Variants in MACROD2 observed in about 807,000 individuals in gnomAD.
MACROD2 encodes the protein mono-ADP ribosylhydrolase 2, also known as ADP-ribose glycohydrolase MACROD2.
MACROD2 carries 36 observed loss-of-function variants against 70.4 expected under a neutral mutation model. The observed-to-expected ratio is 0.51, with a 90% CI of 0.39 to 0.68. The LOEUF (loss-of-function observed/expected upper bound fraction) is 0.68. MACROD2 is among the 30% of genes least tolerant of loss of function. The probability of loss-of-function intolerance (pLI) is 0.00; values close to 1 mark genes in which losing one functional copy is unlikely to be tolerated. For synonymous variants in MACROD2, 172 were observed against 178.8 expected (o/e 0.96, Z 0.30); for missense variants, 496 against 538.4 (o/e 0.92, Z 0.78).
Position 14,588,781 on chromosome 20 carries a change from G to A in MACROD2, c.301+95273G>A, listed in dbSNP as rs554307226. Reference sequence around the variant, plus strand: ...CTGGCCAAGGCTATATATTATCTACGTTACATGATAAACATTGTACGACAT... The same window carrying A: ...CTGGCCAAGGCTATATATTATCTACATTACATGATAAACATTGTACGACAT... On this transcript the variant is annotated intron_variant, in intron 4 of 17. Transcript: ENST00000684519. 1.1e-4 allele frequency among the ~76,000 whole-genome samples: 16 copies of A among 152,142 alleles called. No individual in the cohort carries two copies. The South Asian group carries it at 3.3e-3, about 32-fold the overall frequency.
Position 14,915,837 on chromosome 20 carries a change from G to T in MACROD2, c.418+230878G>T, listed in dbSNP as rs116604471. Among the ~76,000 whole-genome samples, 17 of 152,150 alleles carry T rather than the reference G, an allele frequency of 1.1e-4. No individual in the cohort carries two copies. In the South Asian group the frequency reaches 3.5e-3, roughly 31 times the overall value. Reference sequence around the variant, plus strand: ...AGCTGTGACATTAAGGTAGCTGCGAGTCATCATTCTTGATGAAGGAGCAGC... The same window carrying T: ...AGCTGTGACATTAAGGTAGCTGCGATTCATCATTCTTGATGAAGGAGCAGC... On this transcript the variant is annotated intron_variant, in intron 5 of 17. Transcript: ENST00000684519.
chr20:15,438,297 A>G (rs1394083942), intron 7 of MACROD2, among the ~76,000 whole-genome samples: 1 of 152,198 alleles, frequency 6.6e-6, no homozygotes, highest in Non-Finnish European at 1.5e-5. Flanking sequence ...ACTCCGACCA[A>G]CAGTGTGTAA....
At chr20:15,017,754 G>A (rs1331879903) in intron 5 of MACROD2, among the ~76,000 whole-genome samples, 1 of 152,180 alleles carries the variant, frequency 6.6e-6, no homozygotes, top group African/African-American at 2.4e-5. Context: ...AACACCACAT[G>A]GAAACTGCCA....
intron 10 of MACROD2, among the ~76,000 whole-genome samples, chr20:15,890,095 C>T (rs1453643706): frequency 1.3e-5 from 2 of 152,192 alleles, no homozygotes; most frequent in African/African-American, 4.8e-5. Context: ...TACTGTTTCA[C>T]AGAACATGTT....
At chr20:14,688,365 TG>T (rs2071026238) in intron 5 of MACROD2, among the ~76,000 whole-genome samples, 1 of 152,186 alleles carries the variant, frequency 6.6e-6, no homozygotes, top group African/African-American at 2.4e-5. Flanking sequence ...TATTCATAAA[TG>T]GTTGTATTTG....
At chr20:15,637,220 G>A (rs372786050) in intron 8 of MACROD2, among the ~76,000 whole-genome samples, 21 of 151,626 alleles carry the variant, frequency 1.4e-4, no homozygotes, top group African/African-American at 5.1e-4. Flanking sequence ...TTTACTTGCT[G>A]TATTAATTCT....
intron 12 of MACROD2, among the ~76,000 whole-genome samples, chr20:15,951,350 CAA>C (rs1491126469): frequency 2.8e-4 from 41 of 144,920 alleles, no homozygotes; most frequent in African/African-American, 7.0e-4. Context: ...CACACACACA[CAA>C]AGAGAGAGAG....
intron 10 of MACROD2, among the ~76,000 whole-genome samples, chr20:15,920,601 C>T (rs2065389253): frequency 6.6e-6 from 1 of 152,040 alleles, no homozygotes; most frequent in African/African-American, 2.4e-5. Context: ...CAGAATGTCC[C>T]CCTTGTTCCC....
At chr20:15,433,752 C>CAA (rs140272189) in intron 7 of MACROD2, among the ~76,000 whole-genome samples, 35,624 of 147,170 alleles carry the variant, frequency 0.24, 4,777 homozygotes, top group African/African-American at 0.34. Flanking sequence ...TAATATTAAG[C>CAA]AAAAAAAAAA....
intron 4 of MACROD2, among the ~76,000 whole-genome samples, chr20:14,604,815 G>A (rs867953221): frequency 3.9e-5 from 6 of 152,010 alleles, no homozygotes; most frequent in Admixed American, 1.3e-4. Flanking sequence ...TCTTTTTCTC[G>A]CTTCTTCAAG....
intron 5 of MACROD2, among the ~76,000 whole-genome samples, chr20:15,168,120 T>C (rs2076397879): frequency 6.6e-6 from 1 of 152,158 alleles, no homozygotes; most frequent in Admixed American, 6.5e-5. Context: ...GAGTGGTGTT[T>C]ATGTTACTAG....
At chr20:15,640,639 C>T (rs1042019703) in intron 8 of MACROD2, among the ~76,000 whole-genome samples, 1 of 152,236 alleles carries the variant, frequency 6.6e-6, no homozygotes, top group African/African-American at 2.4e-5. Context: ...CAGGCTCTCC[C>T]CCATCCTCAG....
intron 3 of MACROD2, among the ~76,000 whole-genome samples, chr20:14,455,124 G>C (rs2122997728): frequency 6.6e-6 from 1 of 151,854 alleles, no homozygotes; most frequent in Admixed American, 6.5e-5. Flanking sequence ...ACTTCGCTCT[G>C]TACTCCCTCA....
intron 2 of MACROD2, among the ~76,000 whole-genome samples, chr20:14,013,268 ACTTT>A (rs999376117): frequency 5.7e-5 from 8 of 140,618 alleles, no homozygotes; most frequent in African/African-American, 1.5e-4. Context: ...GGTCAACTGT[ACTTT>A]CTTTTTTTTT....
intron 7 of MACROD2, among the ~76,000 whole-genome samples, chr20:15,487,219 C>T (rs372167139): frequency 4.6e-5 from 7 of 152,168 alleles, no homozygotes; most frequent in East Asian, 1.9e-4. Flanking sequence ...CAAAGATAAG[C>T]GAAGAATTGG....
chr20:14,507,077 G>A (rs914644554), intron 4 of MACROD2, among the ~76,000 whole-genome samples: 7 of 152,120 alleles, frequency 4.6e-5, no homozygotes, highest in African/African-American at 1.7e-4. Context: ...GAAAAAAACA[G>A]TCAAAAAGTA....
chr20:15,977,391 A>G lies in MACROD2; in HGVS notation c.986-9336A>G, dbSNP rs2066323477. On this transcript the variant is annotated intron_variant, in intron 13 of 17. Transcript: ENST00000684519. Reference sequence around the variant, plus strand: ...CTTTTTTCTTTTCAATAGATGATGAAATTAAAGGTCAAAGAGGTTGTGATT... The same window carrying G: ...CTTTTTTCTTTTCAATAGATGATGAGATTAAAGGTCAAAGAGGTTGTGATT... Among the ~76,000 whole-genome samples the G allele has an allele frequency of 2.0e-5, 3 of 152,196 alleles. No individual in the cohort carries two copies. The South Asian group carries it at 6.2e-4, about 31-fold the overall frequency.
intron 4 of MACROD2, among the ~76,000 whole-genome samples, chr20:14,523,234 G>C (rs2085190466): frequency 6.6e-6 from 1 of 152,142 alleles, no homozygotes; most frequent in Non-Finnish European, 1.5e-5. Context: ...CCAATAGATG[G>C]CTTGCTTTCT....
At chr20:14,520,923 A>G (rs1463680939) in intron 4 of MACROD2, among the ~76,000 whole-genome samples, 1 of 150,910 alleles carries the variant, frequency 6.6e-6, no homozygotes, top group East Asian at 2.0e-4. Context: ...ACACAGACAC[A>G]GATACACACA....
Sources: allele counts gnomAD v4.1 joint callset (sites outside exome capture counted in the v4.1 genomes callset), GRCh38; gene constraint gnomAD v4.1.1; transcripts MANE v1.5; gene names NCBI Gene and HGNC (gene_info 2026-07-23, HGNC 2026-07-21).